CSPP1: variants seen among roughly 807,000 people sequenced by gnomAD.
The protein encoded by CSPP1 is centrosome and spindle pole-associated protein 1.
A neutral mutation model predicts 164.4 loss-of-function variants in CSPP1; 126 were observed. That is an observed-to-expected ratio of 0.77 (90% confidence interval 0.66 to 0.89). CSPP1 has a LOEUF of 0.89. Ranked by LOEUF, CSPP1 falls within the 40% of genes least tolerant of loss-of-function variation. CSPP1 has a pLI of 0.00. For missense variants in CSPP1, 1,395 were observed against 1,449.8 expected, an observed-to-expected ratio of 0.96 and a Z score of 0.61; for synonymous variants, 472 against 476.7, an observed-to-expected ratio of 0.99 and a Z score of 0.13.
chr8:67,130,341 A>G (rs1033864456), intron 15 of CSPP1, among the ~76,000 whole-genome samples: 14 of 152,346 alleles, frequency 9.2e-5, no homozygotes, highest in Admixed American at 2.6e-4. Context: ...TATGTGGGCA[A>G]TATAGACGGG....
chr8:67,168,496 G>C (rs1199774397), intron 24 of CSPP1, among the ~76,000 whole-genome samples: 2 of 152,094 alleles, frequency 1.3e-5, no homozygotes, highest in African/African-American at 4.8e-5. Context: ...TACCCTTTGA[G>C]AATCTAGTGA....
In CSPP1 at chr8:67,137,459, C is replaced by T. The variant is rs527674289; in HGVS notation, c.1831C>T (p.Arg611Trp). The T allele has an allele frequency of 1.0e-5, 15 of 1,485,312 alleles. No individual in the cohort carries two copies. The highest frequency in any genetic ancestry group is 4.0e-5 in the South Asian group (3 of 74,296). 92.0% of individuals were successfully genotyped at this position (1,485,312 alleles called of 1,614,324 possible). A position where few individuals can be genotyped will look rare whatever the true frequency, so the allele number is the denominator to read the frequency against. ...SYQEALQQQI[R>W]EREERRKKER... ...AAATATATCTTATGTTGTCAAGATT[C>T]GGGAAAGAGAAGAAAGAAGGAAGAA... The change falls in exon 17 of 31, where the codon CGG becomes TGG. Residue 611 changes from arginine (R) to tryptophan (W), a missense_variant. Physicochemically the swap from Arg to Trp is moderately radical, Grantham distance 101. Transcript: ENST00000678616.
intron 1 of CSPP1, chr8:67,064,763 A>T (rs1805177083): frequency 4.5e-6 from 2 of 446,146 alleles, no homozygotes; most frequent in South Asian, 5.0e-5. Flanking sequence ...TGCCCGAGTT[A>T]AGGGTGTGGA....
chr8:67,065,629 G>A (rs1463915473), intron 1 of CSPP1: 4 of 450,264 alleles, frequency 8.9e-6, no homozygotes, highest in African/African-American at 2.1e-5. Flanking sequence ...CAAGGATCAA[G>A]TTTTTTTGTT....
intron 26 of CSPP1, among the ~76,000 whole-genome samples, chr8:67,177,070 C>CAAAAAA (rs36084458): frequency 6.8e-4 from 35 of 51,588 alleles, no homozygotes; most frequent in Non-Finnish European, 1.0e-3. Flanking sequence ...GACTTAGTCT[C>CAAAAAA]AAAAAAAAAA....
intron 1 of CSPP1, among the ~76,000 whole-genome samples, chr8:67,065,371 C>T (rs995310633): frequency 6.6e-6 from 1 of 152,030 alleles, no homozygotes; most frequent in African/African-American, 2.4e-5. Context: ...ACTAGGATTG[C>T]GGGGAAGACT....
At chr8:67,139,664 TA>T (rs1395386574) in intron 17 of CSPP1, among the ~76,000 whole-genome samples, 20 of 152,100 alleles carry the variant, frequency 1.3e-4, no homozygotes, top group Non-Finnish European at 1.6e-4. Flanking sequence ...TATGCAGCCA[TA>T]AAAAAGGCTG....
chr8:67,086,744 T>G (rs913696954), intron 4 of CSPP1: 10 of 691,654 alleles, frequency 1.4e-5, no homozygotes, highest in Non-Finnish European at 2.1e-5. Context: ...TACAAATGTC[T>G]CTTATTCTGA....
intron 6 of CSPP1, among the ~76,000 whole-genome samples, chr8:67,094,203 A>G (rs1383696327): frequency 1.4e-5 from 2 of 141,754 alleles, no homozygotes; most frequent in Non-Finnish European, 3.1e-5. Context: ...CTTTGTGTTG[A>G]GAATTTAATT....
In CSPP1 at chr8:67,195,503, C is replaced by T. The variant is rs771696486; in HGVS notation, c.3591C>T (p.Phe1197=). The T allele has an allele frequency of 3.7e-6, 6 of 1,614,218 alleles. No individual in the cohort carries two copies. The highest frequency in any genetic ancestry group is 1.1e-5 in the South Asian group (1 of 91,086). The part of the protein sequence containing the change: ...RPGTSETLKR[F]MAEQLNQEQQ... Reference sequence around the variant, plus strand: ...GCACTTCAGAAACGCTGAAACGTTTCATGGCAGAGCAGCTGAACCAGGAGC... The same window carrying T: ...GCACTTCAGAAACGCTGAAACGTTTTATGGCAGAGCAGCTGAACCAGGAGC... Residue 1197 remains phenylalanine, a synonymous_variant, in exon 31 of 31, where the codon TTC becomes TTT. Transcript: ENST00000678616.
chr8:67,116,992 CAG>C (rs1400666554), intron 13 of CSPP1, among the ~76,000 whole-genome samples: 1 of 152,136 alleles, frequency 6.6e-6, no homozygotes, highest in Non-Finnish European at 1.5e-5. Context: ...TTGGAATTAA[CAG>C]AGCATTTTAT....
At chr8:67,195,255 T>TA in intron 30 of CSPP1, 127 bp from the exon 31 acceptor site, 1 of 725,886 alleles carries the variant, frequency 1.4e-6, no homozygotes, top group Non-Finnish European at 2.5e-6. Context: ...AAACAAACAG[T>TA]AGAGTTCAGG....
chr8:67,139,445 G>A (rs1304582014), intron 17 of CSPP1, among the ~76,000 whole-genome samples: 4 of 152,052 alleles, frequency 2.6e-5, no homozygotes, highest in African/African-American at 7.2e-5. Flanking sequence ...CGATTCCTCA[G>A]GGATCTAGAA....
chr8:67,084,747 GAAA>G lies in CSPP1; in HGVS notation c.200-1250_200-1248del, dbSNP rs1014798378. Among the ~76,000 whole-genome samples the G allele has an allele frequency of 2.4e-5, 3 of 124,934 alleles. No homozygotes were observed. The South Asian group carries it at 7.5e-4, about 31-fold the overall frequency. The allele number at this position is 124,934 out of a possible 152,430, so 82.0% of individuals were successfully genotyped here. On this transcript the variant is annotated intron_variant, in intron 3 of 30. Coordinates refer to ENST00000678616, the MANE Select transcript of CSPP1 (RefSeq NM_001382391.1). ...GAGCGAGACCCTGTCTAAAGAGAGA[GAAA>G]AAAAAAAAAGCCAAGTTTTATTTTG...
At position 67,118,739 on chromosome 8, in the gene CSPP1, T is replaced by G. The variant is rs774722380; in HGVS notation, c.1619-4T>G. On this transcript the variant is annotated splice_region_variant and splice_polypyrimidine_tract_variant and intron_variant, in intron 14 of 30. Coordinates refer to ENST00000678616, the MANE Select transcript of CSPP1 (RefSeq NM_001382391.1). ...TTTTTTTGTTTTTTTGTTTTTTCTT[T>G]AAGATGGTTCAGGAATGATGGGCGT... 6.3e-7 allele frequency: 1 copy of G among 1,593,610 alleles called. No individual in the cohort carries two copies. The highest frequency in any genetic ancestry group is 1.7e-5 in the Admixed American group (1 of 58,340).
intron 24 of CSPP1, among the ~76,000 whole-genome samples, chr8:67,165,259 A>G (rs999536980): frequency 7.2e-5 from 11 of 152,148 alleles, no homozygotes; most frequent in Admixed American, 2.0e-4. Flanking sequence ...ACTCCAGCCT[A>G]GGTGACAGAG....
At position 67,076,512 on chromosome 8, in the gene CSPP1, A is replaced by G; in HGVS notation, c.130A>G (p.Ser44Gly). 2 of 1,597,016 alleles carry G rather than the reference A, an allele frequency of 1.3e-6. No homozygotes were observed. The highest frequency in any genetic ancestry group is 1.7e-6 in the Non-Finnish European group (2 of 1,173,904). ...GTTGTCAGCGAAGCTTTCTGAAAAC[A>G]GTAAGATACTGATCTCTATGGCTAA... is the stretch of plus-strand genomic sequence containing the variant. ...GKLSAKLSENSKILISMAKEN... is the reference protein window; with the variant it reads ...GKLSAKLSENGKILISMAKEN... Residue 44 changes from serine to glycine, a missense_variant, in exon 3 of 31, where the codon AGT (serine) becomes GGT (glycine). Coordinates refer to ENST00000678616, the MANE Select transcript of CSPP1 (RefSeq NM_001382391.1).
chr8:67,086,345 C>T (rs1810403033), intron 4 of CSPP1: 1 of 537,094 alleles, frequency 1.9e-6, no homozygotes, highest in Admixed American at 2.8e-5. Context: ...GCAGTGGATT[C>T]TAATTTTAAG....
Position 67,190,662 on chromosome 8 carries a change from AG to A in CSPP1, c.3234del (p.Thr1079HisfsTer30). On this transcript the variant is annotated frameshift_variant, in exon 29 of 31. Transcript: ENST00000678616. LOFTEE classifies it high-confidence loss of function. ...SDSAFIGAYGETYPAIEDDVL... is the reference protein window; with the variant it reads ...SDSAFIGAYGXTYPAIEDDVL... ...GGGGTCCTCTTAGGGGCTTACGGTG[AG>A]ACATATCCTGCCATTGAAGATGACG... 6.2e-7 allele frequency: 1 copy of A among 1,613,928 alleles called. No individual in the cohort carries two copies. The highest frequency in any genetic ancestry group is 8.5e-7 in the Non-Finnish European group (1 of 1,179,794).
Sources: allele counts gnomAD v4.1 joint callset (sites outside exome capture counted in the v4.1 genomes callset), GRCh38; gene constraint gnomAD v4.1.1; transcripts MANE v1.5; gene names NCBI Gene and HGNC (gene_info 2026-07-23, HGNC 2026-07-21).